MAST4: variants seen among roughly 807,000 people sequenced by gnomAD.
The protein encoded by MAST4 is microtubule associated serine/threonine kinase family member 4, also known as microtubule-associated serine/threonine-protein kinase 4.
In MAST4, 89 loss-of-function variants were observed where a neutral mutation model predicts 162.7. The observed-to-expected ratio is 0.55, with a 90% CI of 0.46 to 0.65. The LOEUF is 0.65. MAST4 is among the 30% of genes least tolerant of loss of function. MAST4 has a pLI of 0.00. For missense variants in MAST4, 3,153 were observed against 3,374.0 expected, an observed-to-expected ratio of 0.93 and a Z score of 1.62; for synonymous variants, 1,479 against 1,361.1, an observed-to-expected ratio of 1.09 and a Z score of -1.91.
intron 1 of MAST4, among the ~76,000 whole-genome samples, chr5:66,699,981 T>C (rs1749661022): frequency 2.6e-5 from 4 of 152,122 alleles, no homozygotes; most frequent in African/African-American, 4.8e-5. Context: ...TTTTCTTGCA[T>C]GAATGAATCA....
chr5:66,905,302 CAAAAAAAAAAAA>C (rs60337775), intron 4 of MAST4, among the ~76,000 whole-genome samples: 26 of 78,446 alleles, frequency 3.3e-4, no homozygotes, highest in Admixed American at 7.9e-4. Flanking sequence ...AACTCTGTCT[CAAAAAAAAAAAA>C]AAAAAAAAAA....
chr5:66,716,525 T>A (rs535345104), intron 1 of MAST4, among the ~76,000 whole-genome samples: 55 of 133,018 alleles, frequency 4.1e-4, no homozygotes, highest in Non-Finnish European at 5.0e-4. Flanking sequence ...AAAAAAAAAA[T>A]TTTTTTTTTT....
At chr5:67,002,809 A>G (rs34697) in intron 4 of MAST4, among the ~76,000 whole-genome samples, 68,424 of 151,526 alleles carry the variant, frequency 0.45, 18,497 homozygotes, top group East Asian at 0.69. Context: ...TTCAGACCCA[A>G]AATTTTTGCT....
chr5:66,742,063 C>A (rs1299275035), intron 1 of MAST4, among the ~76,000 whole-genome samples: 1 of 152,188 alleles, frequency 6.6e-6, no homozygotes, highest in Non-Finnish European at 1.5e-5. Flanking sequence ...CAGGCTCTCA[C>A]TTAGAAGCTT....
intron 1 of MAST4, among the ~76,000 whole-genome samples, chr5:66,753,749 T>A (rs1305030775): frequency 6.6e-6 from 1 of 150,464 alleles, no homozygotes; most frequent in Admixed American, 6.6e-5. Flanking sequence ...CCATTCCTTC[T>A]GAAACTATTC....
At chr5:66,881,533 T>C (rs1203716806) in intron 3 of MAST4, among the ~76,000 whole-genome samples, 3 of 152,182 alleles carry the variant, frequency 2.0e-5, no homozygotes, top group Non-Finnish European at 2.9e-5. Context: ...CAGCCCCACC[T>C]CTCCTATCCT....
At chr5:67,049,077 A>ACG (rs1757849828) in intron 4 of MAST4, among the ~76,000 whole-genome samples, 1 of 143,040 alleles carries the variant, frequency 7.0e-6, no homozygotes, top group Non-Finnish European at 1.5e-5. Flanking sequence ...ATATATATAT[A>ACG]TACACTACCA....
chr5:66,825,261 G>GACACACACACAC lies in MAST4; in HGVS notation c.642+36509_642+36520dup, dbSNP rs56076405. Among the ~76,000 whole-genome samples the GACACACACACAC allele has an allele frequency of 1.6e-3, 221 of 135,620 alleles. 2 individuals carry two copies. The highest frequency in any genetic ancestry group is 4.3e-3 in the African/African-American group (155 of 36,174). 89.0% of individuals were successfully genotyped at this position (135,620 alleles called of 152,430 possible). On this transcript the variant is annotated intron_variant, in intron 3 of 28. Coordinates refer to ENST00000403625, the MANE Select transcript of MAST4 (RefSeq NM_001164664.2). The stretch of plus-strand genomic sequence containing the variant: ...TTTAACCTTTTTTGTTAAAAACTAA[G>GACACACACACAC]ACACACACACACACACACACACACA...
chr5:67,079,118 T>A (rs1413072395), intron 5 of MAST4, among the ~76,000 whole-genome samples: 1 of 150,266 alleles, frequency 6.7e-6, no homozygotes, highest in Non-Finnish European at 1.5e-5. Flanking sequence ...TGTACTCAAC[T>A]GTACCCAAAG....
chr5:66,676,359 G>A (rs975137041), intron 1 of MAST4, among the ~76,000 whole-genome samples: 3 of 152,160 alleles, frequency 2.0e-5, no homozygotes, highest in Admixed American at 1.3e-4. Context: ...ACTACTTGGG[G>A]CCAACTAGGC....
chr5:66,803,245 CA>C (rs2149700379), intron 3 of MAST4, among the ~76,000 whole-genome samples: 1 of 152,268 alleles, frequency 6.6e-6, no homozygotes, highest in East Asian at 1.9e-4. Flanking sequence ...TGTAGTCGGT[CA>C]ATCCATCTGT....
chr5:67,164,517 C>T lies in MAST4; in HGVS notation c.5338C>T (p.Pro1780Ser), dbSNP rs1395484698. ...GCCTGGCTTGGTTGCTCCTGAGTCC[C>T]CTGTTAGGAAGAGCCCCTCCGAGTA... Reference protein sequence around the residue: ...EKPGLVAPESPVRKSPSEYKL... With the variant: ...EKPGLVAPESSVRKSPSEYKL... The change falls in exon 29 of 29, where the codon CCT becomes TCT. Residue 1780 changes from proline (P) to serine (S), a missense_variant. Transcript: ENST00000403625. The surrounding 1 kb of genome is among the most constrained non-coding windows in gnomAD (Gnocchi z 5.3). 5 of 1,613,898 alleles carry T rather than the reference C, an allele frequency of 3.1e-6. No homozygotes were observed. The East Asian group carries it at 6.7e-5, about 22-fold the overall frequency.
chr5:67,001,532 T>C (rs1751297492), intron 4 of MAST4: 1 of 152,204 alleles, frequency 6.6e-6, no homozygotes, highest in South Asian at 2.1e-4. Flanking sequence ...CTGTAGAGGC[T>C]TTCTCAAAAT....
chr5:66,680,953 C>A (rs971595858), intron 1 of MAST4, among the ~76,000 whole-genome samples: 9 of 152,188 alleles, frequency 5.9e-5, no homozygotes, highest in Non-Finnish European at 1.0e-4. Context: ...TGGGCACAGT[C>A]CTCTGACCTC....
chr5:66,881,979 T>C (rs1257700415), intron 3 of MAST4, among the ~76,000 whole-genome samples: 1 of 152,188 alleles, frequency 6.6e-6, no homozygotes, highest in Non-Finnish European at 1.5e-5. Context: ...CAGTAGTACT[T>C]GAGAAGAGAA....
intron 3 of MAST4, among the ~76,000 whole-genome samples, chr5:66,898,777 G>A (rs1018514719): frequency 2.6e-5 from 4 of 152,138 alleles, no homozygotes; most frequent in African/African-American, 9.7e-5. Context: ...AAATATATTT[G>A]CCAGTTAATA....
intron 4 of MAST4, among the ~76,000 whole-genome samples, chr5:67,041,032 T>G (rs1451823681): frequency 6.6e-6 from 1 of 152,224 alleles, no homozygotes; most frequent in Non-Finnish European, 1.5e-5. Context: ...AACCATTGCT[T>G]GGAGTGTGTT....
chr5:66,861,779 G>A (rs1330155967), intron 3 of MAST4, among the ~76,000 whole-genome samples: 1 of 152,114 alleles, frequency 6.6e-6, no homozygotes, highest in Admixed American at 6.5e-5. Context: ...ATAAGAGGGA[G>A]GGATAAGATG....
chr5:67,011,783 A>G (rs1215915293), intron 4 of MAST4, among the ~76,000 whole-genome samples: 2 of 152,210 alleles, frequency 1.3e-5, no homozygotes, highest in Non-Finnish European at 2.9e-5. Context: ...CTAGTGTGAA[A>G]CTTACAGTAG....
Sources: gnomAD v4.1 joint callset for allele counts (sites outside exome capture counted in the v4.1 genomes callset) on GRCh38, gnomAD v4.1.1 for gene constraint, Gnocchi (gnomAD v3.1) non-coding constraint, MANE v1.5 for transcripts, NCBI Gene and HGNC (gene_info 2026-07-23, HGNC 2026-07-21) for gene names.